The following KSR2 variants were observed in gnomAD, a reference collection of about 807,000 sequenced individuals.
KSR2 encodes the protein kinase suppressor of ras 2.
KSR2 carries 25 observed loss-of-function variants against 107.8 expected under a neutral mutation model. That is an observed-to-expected ratio of 0.23 (90% CI 0.17 to 0.32). The LOEUF is 0.32. KSR2 is among the 10% of genes least tolerant of loss of function. The pLI is 1.00. For synonymous variants in KSR2, 480 were observed against 507.0 expected (o/e 0.95, Z 0.71); for missense variants, 887 against 1,268.9 (o/e 0.70, Z 4.57).
intron 7 of KSR2, among the ~76,000 whole-genome samples, chr12:117,564,321 G>A (rs569440457): frequency 6.6e-5 from 10 of 152,268 alleles, no homozygotes; most frequent in African/African-American, 2.2e-4. Flanking sequence ...CAATCAAGCC[G>A]ACCTGAGCCT....
chr12:117,484,755 C>T (rs956955856), intron 15 of KSR2, among the ~76,000 whole-genome samples: 4 of 152,190 alleles, frequency 2.6e-5, no homozygotes, highest in African/African-American at 9.7e-5. Context: ...GCCCCCAAGA[C>T]ACAAATCCAC....
At chr12:117,768,733 A>G (rs1889333146) in intron 3 of KSR2, among the ~76,000 whole-genome samples, 1 of 152,220 alleles carries the variant, frequency 6.6e-6, no homozygotes, top group African/African-American at 2.4e-5. Context: ...AGAAAAAAGG[A>G]AAAATAGCCA....
intron 1 of KSR2, among the ~76,000 whole-genome samples, chr12:117,870,571 C>A (rs1386887362): frequency 2.6e-5 from 4 of 152,020 alleles, no homozygotes; most frequent in African/African-American, 9.7e-5. Context: ...TGTACTCCAG[C>A]CTGGGCAAGA....
intron 3 of KSR2, among the ~76,000 whole-genome samples, chr12:117,799,992 G>A (rs752614094): frequency 3.2e-4 from 49 of 152,228 alleles, no homozygotes; most frequent in Non-Finnish European, 6.3e-4. Context: ...CAAGATGACA[G>A]TAGAGGTGAT....
intron 2 of KSR2, among the ~76,000 whole-genome samples, chr12:117,858,029 A>C (rs1418517070): frequency 6.6e-6 from 1 of 152,198 alleles, no homozygotes; most frequent in Non-Finnish European, 1.5e-5. Context: ...GCTGCCAGAC[A>C]GGAGCTCAGT....
chr12:117,597,200 T>A (rs1244017071), intron 5 of KSR2, among the ~76,000 whole-genome samples: 1 of 152,216 alleles, frequency 6.6e-6, no homozygotes, highest in Admixed American at 6.5e-5. Flanking sequence ...GAGTGGCTAA[T>A]GACTTTAGTC....
chr12:117,839,911 A>G (rs1892392981), intron 3 of KSR2, among the ~76,000 whole-genome samples: 1 of 152,202 alleles, frequency 6.6e-6, no homozygotes, highest in Non-Finnish European at 1.5e-5. Context: ...GGGTTCGAGG[A>G]GGATTCTTTT....
intron 4 of KSR2, among the ~76,000 whole-genome samples, chr12:117,736,353 T>C (rs981954667): frequency 3.9e-5 from 6 of 152,198 alleles, no homozygotes; most frequent in African/African-American, 1.4e-4. Context: ...GGAATTTGCC[T>C]GTCTGTCTGT....
At chr12:117,873,110 C>T (rs1179714617) in intron 1 of KSR2, among the ~76,000 whole-genome samples, 4 of 151,960 alleles carry the variant, frequency 2.6e-5, no homozygotes, top group African/African-American at 9.7e-5. Context: ...TTTGGGAGGC[C>T]GAGGCAAGCA....
intron 5 of KSR2, among the ~76,000 whole-genome samples, chr12:117,632,866 A>G (rs1187393275): frequency 6.6e-6 from 1 of 152,160 alleles, no homozygotes; most frequent in Non-Finnish European, 1.5e-5. Context: ...AAAGGACATG[A>G]TCTCATTCAT....
intron 3 of KSR2, among the ~76,000 whole-genome samples, chr12:117,775,591 A>G (rs1889658098): frequency 6.6e-6 from 1 of 152,232 alleles, no homozygotes; most frequent in East Asian, 1.9e-4. Flanking sequence ...CTGACCACAG[A>G]GCACGTTCTC....
chr12:117,693,256 G>C (rs1885906766), intron 4 of KSR2, among the ~76,000 whole-genome samples: 1 of 152,152 alleles, frequency 6.6e-6, no homozygotes, highest in South Asian at 2.1e-4. Flanking sequence ...CACAGTGTGA[G>C]ATAAATACCA....
At chr12:117,710,049 G>A (rs1886696056) in intron 4 of KSR2, among the ~76,000 whole-genome samples, 1 of 152,190 alleles carries the variant, frequency 6.6e-6, no homozygotes, top group African/African-American at 2.4e-5. Context: ...ATCTGGACAG[G>A]ACCTTTGGCA....
chr12:117,490,522 T>C (rs1234957470), intron 14 of KSR2, among the ~76,000 whole-genome samples: 1 of 152,214 alleles, frequency 6.6e-6, no homozygotes, highest in Non-Finnish European at 1.5e-5. Context: ...ATAGTTTCAT[T>C]GGCACTACAT....
At chr12:117,774,314 C>T (rs951789813) in intron 3 of KSR2, among the ~76,000 whole-genome samples, 4 of 152,244 alleles carry the variant, frequency 2.6e-5, no homozygotes, top group Non-Finnish European at 4.4e-5. Context: ...CGAATAAGGA[C>T]AAATGAAAAA....
chr12:117,485,941 A>G (rs1665724746), intron 14 of KSR2, among the ~76,000 whole-genome samples: 1 of 152,236 alleles, frequency 6.6e-6, no homozygotes, highest in Non-Finnish European at 1.5e-5. Flanking sequence ...AATCTAGCCT[A>G]GTCCAGAAAT....
chr12:117,504,335 TC>T (rs905019837), intron 14 of KSR2, among the ~76,000 whole-genome samples: 2 of 152,134 alleles, frequency 1.3e-5, no homozygotes, highest in African/African-American at 4.8e-5. Flanking sequence ...GTCCTGTCAT[TC>T]CCCAAAACCC....
Position 117,582,339 on chromosome 12 carries a change from A to T in KSR2, c.1192T>A (p.Trp398Arg). The change falls in exon 6 of 20, where the codon TGG becomes AGG. Residue 398 changes from tryptophan (W) to arginine (R), a missense_variant. This residue lies in a region of KSR2 where 399 missense variants were observed against 479.5 expected (regional missense o/e 0.83). Transcript: ENST00000339824. ...FSANTLSVPRWSPQIPRRDLG... is the reference protein window; with the variant it reads ...FSANTLSVPRRSPQIPRRDLG... ...TCTCTGCGAGGGATCTGCGGGGACC[A>T]GCGTGGCACTGACAGTGTGTCTACA... 1 of 1,613,804 alleles carries T rather than the reference A, an allele frequency of 6.2e-7. No individual in the cohort carries two copies.
chr12:117,920,549 A>G (rs926140098), intron 1 of KSR2, among the ~76,000 whole-genome samples: 9 of 152,188 alleles, frequency 5.9e-5, no homozygotes, highest in Non-Finnish European at 1.0e-4. Flanking sequence ...AGCATTTACT[A>G]TATGTCAGGC....
Sources: gnomAD v4.1 joint callset for allele counts (sites outside exome capture counted in the v4.1 genomes callset) on GRCh38, gnomAD v4.1.1 for gene constraint, gnomAD v4.1.1 regional missense constraint, MANE v1.5 for transcripts, NCBI Gene and HGNC (gene_info 2026-07-23, HGNC 2026-07-21) for gene names.